Variants in MYCBP2 observed in about 807,000 individuals in gnomAD.
MYCBP2 encodes the protein MYC binding protein 2, also known as E3 ubiquitin-protein ligase MYCBP2.
In MYCBP2, 120 loss-of-function variants were observed where a neutral mutation model predicts 525.3. The ratio of observed to expected loss-of-function variants is 0.23; its 90% CI spans 0.20 to 0.27. MYCBP2 has a LOEUF of 0.27. Ranked by LOEUF, MYCBP2 falls within the 10% of genes least tolerant of loss-of-function variation. The pLI, the probability that MYCBP2 is intolerant of heterozygous loss-of-function variation, is 1.00. For synonymous variants in MYCBP2, 1,894 were observed against 1,955.8 expected (o/e 0.97, Z 0.83); for missense variants, 4,149 against 5,657.1 (o/e 0.73, Z 8.55).
chr13:77,269,935 C>CA (rs149334563), intron 7 of MYCBP2, 57 bp downstream of exon 7: 1 of 1,285,556 alleles, frequency 7.8e-7, no homozygotes, highest in South Asian at 1.3e-5. Context: ...TAAACAAGGA[C>CA]AAATCACATG....
intron 55 of MYCBP2, among the ~76,000 whole-genome samples, chr13:77,103,919 T>C (rs761170552): frequency 1.3e-5 from 2 of 152,082 alleles, no homozygotes; most frequent in Non-Finnish European, 2.9e-5. Context: ...TTACACAACG[T>C]GTCACAACAC....
chr13:77,293,285 C>T (rs1467383503), intron 2 of MYCBP2, among the ~76,000 whole-genome samples: 1 of 152,050 alleles, frequency 6.6e-6, no homozygotes, highest in Non-Finnish European at 1.5e-5. Flanking sequence ...GAAAAGAGAA[C>T]TATTTGACCA....
chr13:77,057,964 A>G (rs2038487667), intron 78 of MYCBP2, among the ~76,000 whole-genome samples: 1 of 150,438 alleles, frequency 6.6e-6, no homozygotes, highest in Admixed American at 6.7e-5. Context: ...CAGCCTCCTG[A>G]GTAGCTGGGA....
At position 77,301,388 on chromosome 13, in the gene MYCBP2, A is replaced by G. The variant is rs569137962; in HGVS notation, c.303-4714T>C. 5.9e-5 allele frequency among the ~76,000 whole-genome samples: 8 copies of G among 135,812 alleles called. No individual in the cohort carries two copies. In the East Asian group the frequency reaches 1.6e-3, roughly 27 times the overall value. 89.1% of individuals were successfully genotyped at this position (135,812 alleles called of 152,430 possible). On this transcript the variant is annotated intron_variant, in intron 1 of 82. Transcript: ENST00000544440. ...CCAAGAGCCAAGATCGCGCCACTGC[A>G]CTCCAGCCTGGGCTACAGAGCAAGA...
intron 1 of MYCBP2, among the ~76,000 whole-genome samples, 180 bp from the exon 2 acceptor site, chr13:77,296,854 G>C (rs2078243764): frequency 6.6e-6 from 1 of 152,102 alleles, no homozygotes; most frequent in African/African-American, 2.4e-5. Flanking sequence ...TAGCTATTGA[G>C]AAGATAACAT....
At chr13:77,050,952 T>C (rs1426309131) in intron 82 of MYCBP2, 45 bp downstream of exon 82, 2 of 1,491,692 alleles carry the variant, frequency 1.3e-6, no homozygotes, top group East Asian at 4.6e-5. Flanking sequence ...CATAAAACTA[T>C]GGTATATAGA....
At chr13:77,149,508 G>A (rs975405072) in intron 47 of MYCBP2, among the ~76,000 whole-genome samples, 1 of 151,956 alleles carries the variant, frequency 6.6e-6, no homozygotes, top group Non-Finnish European at 1.5e-5. Context: ...ACCATAGAAG[G>A]TATCATCTAT....
chr13:77,178,250 AATC>A (rs1465706975), intron 34 of MYCBP2, among the ~76,000 whole-genome samples: 4 of 152,242 alleles, frequency 2.6e-5, no homozygotes, highest in Non-Finnish European at 5.9e-5. Context: ...TGTATGAATA[AATC>A]ATCAGACTTT....
At chr13:77,063,038 C>T (rs1243954448) in intron 73 of MYCBP2, among the ~76,000 whole-genome samples, 2 of 152,160 alleles carry the variant, frequency 1.3e-5, no homozygotes, top group Non-Finnish European at 2.9e-5. Context: ...CTACTAATGT[C>T]TTCTGAATAT....
intron 72 of MYCBP2, 126 bp from the exon 73 acceptor site, chr13:77,064,860 G>C: frequency 1.2e-6 from 1 of 829,834 alleles, no homozygotes; most frequent in South Asian, 4.8e-5. Flanking sequence ...TGGAATTTTA[G>C]ATTATGGGCA....
At chr13:77,202,375 C>G (rs954208914) in intron 26 of MYCBP2, among the ~76,000 whole-genome samples, 3 of 152,178 alleles carry the variant, frequency 2.0e-5, no homozygotes, top group African/African-American at 7.2e-5. Context: ...AGACCAATAA[C>G]AGGATCTGAA....
intron 55 of MYCBP2, among the ~76,000 whole-genome samples, chr13:77,105,605 T>C (rs1393313396): frequency 6.6e-6 from 1 of 151,884 alleles, no homozygotes; most frequent in African/African-American, 2.4e-5. Context: ...TACATTGATA[T>C]CTATACACAA....
intron 1 of MYCBP2, among the ~76,000 whole-genome samples, chr13:77,321,302 C>T (rs1261541115): frequency 1.3e-5 from 2 of 152,126 alleles, no homozygotes; most frequent in Admixed American, 6.5e-5. Context: ...ACATTTCTAC[C>T]TACCAGTATA....
intron 32 of MYCBP2, among the ~76,000 whole-genome samples, chr13:77,182,190 A>G (rs2060277474): frequency 6.6e-6 from 1 of 152,206 alleles, no homozygotes; most frequent in Non-Finnish European, 1.5e-5. Context: ...TTATATTTTC[A>G]TATCCTCACA....
At position 77,146,173 on chromosome 13, in the gene MYCBP2, T is replaced by A; in HGVS notation, c.7176A>T (p.Pro2392=). The part of the protein sequence containing the change: ...YSFEELRFAS[P]TPKRPSENML... ...AAAACGATCCTTACCTCTTAGGAGT[T>A]GGTGATGCAAAACGTAGTTCTTCAA... Residue 2392 remains proline (P), a synonymous_variant, in exon 48 of 83, where the codon CCA becomes CCT. Coordinates refer to ENST00000544440, the MANE Select transcript of MYCBP2 (RefSeq NM_015057.5). 1 of 1,593,470 alleles carries A rather than the reference T, an allele frequency of 6.3e-7. No individual in the cohort carries two copies. Among genetic ancestry groups the A allele is most frequent in the Non-Finnish European group, 8.5e-7 (1 of 1,170,820 alleles).
chr13:77,192,017 T>G (rs1217496063), intron 27 of MYCBP2, among the ~76,000 whole-genome samples: 2 of 152,240 alleles, frequency 1.3e-5, no homozygotes, highest in Admixed American at 6.5e-5. Context: ...AGAATTACAT[T>G]TCTTCCTCCT....
chr13:77,288,414 T>A (rs767577644), intron 2 of MYCBP2, 38 bp from the exon 3 acceptor site: 1 of 1,530,446 alleles, frequency 6.5e-7, no homozygotes, highest in African/African-American at 1.4e-5. Flanking sequence ...TTCACACTCT[T>A]TTCTATCATC....
intron 23 of MYCBP2, among the ~76,000 whole-genome samples, chr13:77,208,876 CT>C (rs1307805109): frequency 6.6e-6 from 1 of 152,134 alleles, no homozygotes; most frequent in Non-Finnish European, 1.5e-5. Flanking sequence ...TTTATCTGCT[CT>C]TTATAGATGT....
At chr13:77,179,305 A>G (rs745774262) in intron 34 of MYCBP2, among the ~76,000 whole-genome samples, 2 of 152,238 alleles carry the variant, frequency 1.3e-5, no homozygotes, top group Non-Finnish European at 2.9e-5. Flanking sequence ...ATTATTAAAC[A>G]TTCATTTGAA....
Sources: allele counts gnomAD v4.1 joint callset (sites outside exome capture counted in the v4.1 genomes callset), GRCh38; gene constraint gnomAD v4.1.1; transcripts MANE v1.5; gene names NCBI Gene and HGNC (gene_info 2026-07-23, HGNC 2026-07-21).